PREX1: variants seen among roughly 807,000 people sequenced by gnomAD.
PREX1 encodes phosphatidylinositol-3,4,5-trisphosphate dependent Rac exchange factor 1.
PREX1 carries 41 observed loss-of-function variants against 198.3 expected under a neutral mutation model. The ratio of observed to expected loss-of-function variants is 0.21; its 90% CI spans 0.16 to 0.27. The LOEUF is 0.27. PREX1 is among the 10% of genes least tolerant of loss of function. PREX1 has a pLI of 1.00. For synonymous variants in PREX1, 843 were observed against 887.2 expected (o/e 0.95, Z 0.89); for missense variants, 1,620 against 2,200.7 (o/e 0.74, Z 5.28).
At chr20:48,766,831 C>T (rs571612924) in intron 1 of PREX1, among the ~76,000 whole-genome samples, 3 of 152,286 alleles carry the variant, frequency 2.0e-5, no homozygotes, top group South Asian at 2.1e-4. Context: ...AGTGGATGGA[C>T]GGGTAGAGGG....
chr20:48,711,834 T>C (rs955456651), intron 5 of PREX1, among the ~76,000 whole-genome samples: 12 of 152,200 alleles, frequency 7.9e-5, no homozygotes, highest in Non-Finnish European at 1.3e-4. Flanking sequence ...TTCTCATGGA[T>C]GGGGCGCGAG....
chr20:48,695,389 C>T (rs983590336), intron 7 of PREX1, among the ~76,000 whole-genome samples: 1 of 152,180 alleles, frequency 6.6e-6, no homozygotes, highest in Non-Finnish European at 1.5e-5. Context: ...CATTCCTGCA[C>T]GTGCCTGACA....
intron 1 of PREX1, chr20:48,821,743 C>G (rs2090486277): frequency 6.6e-6 from 1 of 152,232 alleles, no homozygotes; most frequent in Non-Finnish European, 1.5e-5. Context: ...AGGTCTTCAG[C>G]TCTCTGGCCT....
At chr20:48,702,453 T>G (rs1685037829) in intron 6 of PREX1, among the ~76,000 whole-genome samples, 1 of 152,058 alleles carries the variant, frequency 6.6e-6, no homozygotes, top group Non-Finnish European at 1.5e-5. Flanking sequence ...GGGAATGGAG[T>G]CTTCCCTGGT....
intron 2 of PREX1, 55 bp downstream of exon 2, chr20:48,747,753 CA>C: frequency 6.5e-7 from 1 of 1,538,378 alleles, no homozygotes; most frequent in Non-Finnish European, 8.9e-7. Context: ...ACGGGAAGAG[CA>C]AGGCACAAAG....
intron 29 of PREX1, among the ~76,000 whole-genome samples, chr20:48,641,846 GGAAGGAAGGAAGGAAGGAAGGA>G (rs2089414376): frequency 6.7e-3 from 120 of 17,798 alleles, no homozygotes; most frequent in Middle Eastern, 0.028. Context: ...GAGAGAGGAA[GGAAGGAAGGAAGGAAGGAAGGA>G]AGGAAGGAAG....
chr20:48,633,009 G>A (rs756797938), intron 33 of PREX1, among the ~76,000 whole-genome samples: 23 of 152,188 alleles, frequency 1.5e-4, no homozygotes, highest in Non-Finnish European at 3.1e-4. Flanking sequence ...CCCTCACCCG[G>A]TAGCCCATGG....
intron 1 of PREX1, among the ~76,000 whole-genome samples, chr20:48,786,735 ACT>A (rs1405175073): frequency 6.0e-5 from 9 of 150,776 alleles, no homozygotes; most frequent in African/African-American, 1.7e-4. Flanking sequence ...ACAAAGCAAG[ACT>A]CTGTCAAAAA....
chr20:48,704,796 T>C (rs981837464), intron 6 of PREX1, among the ~76,000 whole-genome samples: 3 of 152,200 alleles, frequency 2.0e-5, no homozygotes, highest in Admixed American at 1.3e-4. Context: ...CCTCAGGTGA[T>C]CCACCTGCCT....
chr20:48,739,745 TA>T (rs1286309381), intron 3 of PREX1, among the ~76,000 whole-genome samples: 2 of 151,824 alleles, frequency 1.3e-5, no homozygotes, highest in Non-Finnish European at 2.9e-5. Context: ...CACATAAGAG[TA>T]AAAAACACAG....
In PREX1 at chr20:48,649,392, C is replaced by T; in HGVS notation, c.3213G>A (p.Glu1071=). Residue 1071 remains glutamate (E), a synonymous_variant, in exon 25 of 40, where the codon GAG becomes GAA. Transcript: ENST00000371941. ...GGTAGGCATCCTGGATCTCACGGTC[C>T]TCCTGCTTGAGTAGGAAGCTGAGGC... ...DRGLSFLLKQ[E]DREIQDAYLQ... 6.2e-7 allele frequency: 1 copy of T among 1,614,190 alleles called. No homozygotes were observed. Among genetic ancestry groups the T allele is most frequent in the South Asian group, 1.1e-5 (1 of 91,090 alleles).
At chr20:48,879,494 C>T in the PREX1 span, among the ~76,000 whole-genome samples, 2 of 152,218 alleles carry the variant, frequency 1.3e-5, no homozygotes, top group African/African-American at 4.8e-5. Context: ...TTGGAATCCT[C>T]TAGCTCATTC....
rs541059574 is a variant in PREX1 at position 48,624,401 on chromosome 20, T to C, written c.*1484A>G. On this transcript the variant is annotated 3_prime_UTR_variant, in exon 40 of 40. Coordinates refer to ENST00000371941, the MANE Select transcript of PREX1 (RefSeq NM_020820.4). ...GCAGCAGGGCTAAAGCGGGTCCTCC[T>C]TTGTCTCTGATGCAAGATACAGTGA... 1 of 152,812 alleles carries C rather than the reference T, an allele frequency of 6.5e-6. No individual in the cohort carries two copies. The highest frequency in any genetic ancestry group is 1.5e-5 in the Non-Finnish European group (1 of 68,050). 9.5% of individuals were successfully genotyped at this position (152,812 alleles called of 1,614,324 possible). A position where few individuals can be genotyped will look rare whatever the true frequency, so the allele number is the denominator to read the frequency against.
chr20:48,735,939 A>G (rs892201414), intron 3 of PREX1, among the ~76,000 whole-genome samples: 5 of 152,122 alleles, frequency 3.3e-5, no homozygotes, highest in Non-Finnish European at 5.9e-5. Context: ...AGGGCACTAC[A>G]CCAGAATACT....
chr20:48,796,010 C>T (rs1164823555), intron 1 of PREX1, among the ~76,000 whole-genome samples: 2 of 152,154 alleles, frequency 1.3e-5, no homozygotes, highest in African/African-American at 4.8e-5. Flanking sequence ...AAGCTGCACA[C>T]CAGCCTATTA....
chr20:48,708,880 G>A (rs2089916685), intron 5 of PREX1, among the ~76,000 whole-genome samples: 1 of 152,130 alleles, frequency 6.6e-6, no homozygotes, highest in Admixed American at 6.5e-5. Flanking sequence ...AGAGAGATCC[G>A]CGGTCACAGA....
chr20:48,688,872 A>G (rs557936424), intron 9 of PREX1, 68 bp from the exon 10 acceptor site: 1 of 1,590,768 alleles, frequency 6.3e-7, no homozygotes, highest in Non-Finnish European at 8.6e-7. Flanking sequence ...GGGGGAGACA[A>G]GGGGCAGGCC....
intron 1 of PREX1, among the ~76,000 whole-genome samples, chr20:48,821,531 C>T (rs1040429700): frequency 6.6e-6 from 1 of 152,178 alleles, no homozygotes; most frequent in African/African-American, 2.4e-5. Flanking sequence ...TATCACCCAC[C>T]TCCCTCCAGT....
At chr20:48,766,148 T>C (rs375835116) in intron 1 of PREX1, among the ~76,000 whole-genome samples, 1 of 152,178 alleles carries the variant, frequency 6.6e-6, no homozygotes, top group Non-Finnish European at 1.5e-5. Flanking sequence ...ATTATTTCAT[T>C]ATATGTTACA....
Sources: gnomAD v4.1 joint callset for allele counts (sites outside exome capture counted in the v4.1 genomes callset) on GRCh38, gnomAD v4.1.1 for gene constraint, MANE v1.5 for transcripts, NCBI Gene and HGNC (gene_info 2026-07-23, HGNC 2026-07-21) for gene names.